The following AXDND1 variants were observed in gnomAD, a reference collection of about 807,000 sequenced individuals.
AXDND1 encodes axonemal dynein light chain domain-containing protein 1.
In AXDND1, 110 loss-of-function variants were observed where a neutral mutation model predicts 137.5. The observed-to-expected ratio is 0.80, with a 90% CI of 0.69 to 0.94. The LOEUF (loss-of-function observed/expected upper bound fraction) is 0.94, where lower values mean the gene tolerates loss of function less well. Among genes scored for constraint, AXDND1 ranks in the 40% least tolerant of loss-of-function variants. AXDND1 has a pLI of 0.00. For synonymous variants in AXDND1, 414 were observed against 399.7 expected (o/e 1.04, Z -0.43); for missense variants, 1,191 against 1,169.8 (o/e 1.02, Z -0.26).
chr1:179,495,553 A>G (rs1019483573), intron 20 of AXDND1, among the ~76,000 whole-genome samples: 1 of 152,016 alleles, frequency 6.6e-6, no homozygotes, highest in African/African-American at 2.4e-5. Flanking sequence ...ACCTTGCTGA[A>G]TTCACTTATT....
intron 3 of AXDND1, among the ~76,000 whole-genome samples, chr1:179,369,560 G>A (rs7518219): frequency 0.016 from 2,457 of 152,188 alleles, 74 homozygotes; most frequent in African/African-American, 0.056. Flanking sequence ...GCTGAGGCAG[G>A]AGAATCACTT....
chr1:179,480,069 C>T (rs183098996), intron 17 of AXDND1, among the ~76,000 whole-genome samples: 13 of 152,294 alleles, frequency 8.5e-5, no homozygotes, highest in African/African-American at 2.4e-4. Context: ...TTCTTCTGAG[C>T]CCTTCAAACT....
chr1:179,382,724 T>C lies in AXDND1; in HGVS notation c.606T>C (p.Asp202=). 1 of 1,603,952 alleles carries C rather than the reference T, an allele frequency of 6.2e-7. No individual in the cohort carries two copies. Among genetic ancestry groups the C allele is most frequent in the East Asian group, 2.2e-5 (1 of 44,752 alleles). The change falls in exon 7 of 26, where the codon GAT becomes GAC. Residue 202 remains aspartate, a synonymous_variant. Coordinates refer to ENST00000367618, the MANE Select transcript of AXDND1 (RefSeq NM_144696.6). Reference sequence around the variant, plus strand: ...GCAAATACACTACTCTCCTCACAGATAGTGAAAACAGGCTATTGCTCTTCC... The same window carrying C: ...GCAAATACACTACTCTCCTCACAGACAGTGAAAACAGGCTATTGCTCTTCC... ...YDDKYTTLLT[D]SENRLLLFPS...
At chr1:179,529,745 G>A (rs1270270302) in intron 23 of AXDND1, among the ~76,000 whole-genome samples, 1 of 152,202 alleles carries the variant, frequency 6.6e-6, no homozygotes, top group Non-Finnish European at 1.5e-5. Context: ...GGCGGTGACT[G>A]CTTTAATGGA....
At chr1:179,525,477 CTACATACATACATACA>C (rs5779031) in intron 22 of AXDND1, 30 bp downstream of exon 22, 3 of 1,473,652 alleles carry the variant, frequency 2.0e-6, no homozygotes, top group Admixed American at 2.1e-5. Context: ...GTTTTTCCTC[CTACATACATACATACA>C]TACATACATA....
intron 2 of AXDND1, 58 bp from the exon 3 acceptor site, chr1:179,368,742 C>T (rs895938725): frequency 1.4e-6 from 2 of 1,388,908 alleles, no homozygotes; most frequent in African/African-American, 2.9e-5. Flanking sequence ...GTCTGAGAAG[C>T]TCCATCTAAC....
intron 20 of AXDND1, among the ~76,000 whole-genome samples, chr1:179,506,160 A>T (rs1160613994): frequency 1.3e-5 from 2 of 152,010 alleles, no homozygotes; most frequent in African/African-American, 4.8e-5. Flanking sequence ...TTTTTTTTCA[A>T]GTGCTTTAGG....
chr1:179,453,567 G>A (rs10913774), intron 16 of AXDND1: 67,853 of 152,142 alleles, frequency 0.45, 16,080 homozygotes, highest in East Asian at 0.76. Flanking sequence ...TTGGGAGGCT[G>A]AGGCAGGCGG....
At position 179,547,720 on chromosome 1, in the gene AXDND1, C is replaced by T. The variant is rs1188111910; in HGVS notation, c.3032-6792C>T. 5.3e-5 allele frequency among the ~76,000 whole-genome samples: 8 copies of T among 152,170 alleles called. No individual in the cohort carries two copies. In the South Asian group the frequency reaches 1.4e-3, roughly 28 times the overall value. On this transcript the variant is annotated intron_variant, in intron 25 of 25. Transcript: ENST00000367618. ...TACCTCTAGGCCAGCTTGAGAAACA[C>T]TTTTGAAAGTCTGAAGATTAAGAGT... is the stretch of plus-strand genomic sequence containing the variant.
At chr1:179,527,780 C>T (rs951918491) in intron 22 of AXDND1, among the ~76,000 whole-genome samples, 1 of 152,128 alleles carries the variant, frequency 6.6e-6, no homozygotes, top group Admixed American at 6.5e-5. Flanking sequence ...GATCGAAGAA[C>T]CTGCTCTTGG....
At chr1:179,491,297 G>C (rs1349842802) in intron 18 of AXDND1, among the ~76,000 whole-genome samples, 2 of 152,064 alleles carry the variant, frequency 1.3e-5, no homozygotes, top group Non-Finnish European at 2.9e-5. Context: ...GGGCAACAGA[G>C]TGACACCCCG....
rs920763732 is a variant in AXDND1 at position 179,551,120 on chromosome 1, A to G, written c.3032-3392A>G. The G allele has an allele frequency of 3.0e-5, 48 of 1,609,764 alleles. No individual in the cohort carries two copies. In the African/African-American group the frequency reaches 5.1e-4, roughly 17 times the overall value. On this transcript the variant is annotated intron_variant, in intron 25 of 25. Transcript: ENST00000367618. ...TGAGGACAGAGTGTCTCCCTCAGGC[A>G]TGTGACTTTTCTATGGCAGGCCCCT... is the stretch of plus-strand genomic sequence containing the variant.
chr1:179,495,830 T>G lies in AXDND1; in HGVS notation c.2388+2879T>G, dbSNP rs1004167418. ...CTTTAAGTATAATGCTAGCTATAGG[T>G]TTTTTTTATAGATACCCTTTATTAG... On this transcript the variant is annotated intron_variant, in intron 20 of 25. Coordinates refer to ENST00000367618, the MANE Select transcript of AXDND1 (RefSeq NM_144696.6). 2.3e-4 allele frequency among the ~76,000 whole-genome samples: 35 copies of G among 151,514 alleles called. 1 individual carries two copies. Among genetic ancestry groups the G allele is most frequent in the East Asian group, 1.5e-3 (8 of 5,174 alleles).
chr1:179,539,943 C>T (rs768452909), intron 25 of AXDND1, among the ~76,000 whole-genome samples: 1 of 151,728 alleles, frequency 6.6e-6, no homozygotes, highest in Non-Finnish European at 1.5e-5. Context: ...TTAATTTGAT[C>T]TTCAATCACT....
Position 179,468,438 on chromosome 1 carries a change from TC to T in AXDND1, c.1799-4del. 1 of 1,591,418 alleles carries T rather than the reference TC, an allele frequency of 6.3e-7. No homozygotes were observed. The highest frequency in any genetic ancestry group is 8.6e-7 in the Non-Finnish European group (1 of 1,166,436). On this transcript the variant is annotated splice_polypyrimidine_tract_variant and splice_region_variant and intron_variant, in intron 16 of 25. Transcript: ENST00000367618. ...TAAAAGTTAATGCTTTTCTTACTTT[TC>T]TAGGTTACTCCAAAATTCTTCCAAG...
At chr1:179,412,915 C>T (rs1230852412) in intron 12 of AXDND1, among the ~76,000 whole-genome samples, 1 of 152,034 alleles carries the variant, frequency 6.6e-6, no homozygotes, top group Non-Finnish European at 1.5e-5. Flanking sequence ...TTACTGTAGG[C>T]TTTCATATAT....
chr1:179,412,062 G>T (rs532839596), intron 12 of AXDND1, among the ~76,000 whole-genome samples: 11 of 151,968 alleles, frequency 7.2e-5, no homozygotes, highest in Non-Finnish European at 1.3e-4. Flanking sequence ...TGTTGCCCTG[G>T]ATAGTCTTGA....
intron 12 of AXDND1, among the ~76,000 whole-genome samples, chr1:179,428,598 T>C (rs1656924276): frequency 6.6e-6 from 1 of 152,256 alleles, no homozygotes; most frequent in African/African-American, 2.4e-5. Flanking sequence ...AGTTTCATTA[T>C]AATACTAAAA....
chr1:179,403,701 A>G (rs2125184178), intron 11 of AXDND1, among the ~76,000 whole-genome samples: 1 of 152,090 alleles, frequency 6.6e-6, no homozygotes, highest in Admixed American at 6.5e-5. Flanking sequence ...AGCCTCCTGA[A>G]TAGCTGGGAT....
Sources: allele counts gnomAD v4.1 joint callset (sites outside exome capture counted in the v4.1 genomes callset), GRCh38; gene constraint gnomAD v4.1.1; transcripts MANE v1.5; gene names NCBI Gene and HGNC (gene_info 2026-07-23, HGNC 2026-07-21).